The following RHOJ variants were observed in gnomAD, a reference collection of about 807,000 sequenced individuals.
The protein encoded by RHOJ is ras homolog family member J.
RHOJ carries 11 observed loss-of-function variants against 23.4 expected under a neutral mutation model. The ratio of observed to expected loss-of-function variants is 0.47; its 90% CI spans 0.30 to 0.78. The LOEUF (loss-of-function observed/expected upper bound fraction) is 0.78. RHOJ is among the 30% of genes least tolerant of loss of function. RHOJ has a pLI of 0.08. For synonymous variants in RHOJ, 102 were observed against 102.7 expected (o/e 0.99, Z 0.04); for missense variants, 254 against 273.4 (o/e 0.93, Z 0.50).
intron 2 of RHOJ, among the ~76,000 whole-genome samples, chr14:63,279,368 G>A (rs1881827324): frequency 6.6e-6 from 1 of 152,162 alleles, no homozygotes; most frequent in African/African-American, 2.4e-5. Context: ...ATGGACACAT[G>A]TCATGTTGCG....
At chr14:63,223,550 G>A (rs1287465200) in intron 1 of RHOJ, among the ~76,000 whole-genome samples, 2 of 152,110 alleles carry the variant, frequency 1.3e-5, no homozygotes, top group Admixed American at 6.5e-5. Context: ...ATTCATAGAG[G>A]CTAACTTTCA....
At chr14:63,251,570 T>C (rs1895072285) in intron 1 of RHOJ, among the ~76,000 whole-genome samples, 1 of 152,154 alleles carries the variant, frequency 6.6e-6, no homozygotes. Flanking sequence ...GAGCAATGCA[T>C]ACCCAGTTAC....
intron 1 of RHOJ, among the ~76,000 whole-genome samples, chr14:63,232,915 C>T (rs1894723138): frequency 6.6e-6 from 1 of 151,966 alleles, no homozygotes; most frequent in Non-Finnish European, 1.5e-5. Flanking sequence ...AGGCTGGTAT[C>T]AAACTCCTGG....
chr14:63,278,280 G>A (rs933205055), intron 2 of RHOJ, among the ~76,000 whole-genome samples: 29 of 152,086 alleles, frequency 1.9e-4, no homozygotes, highest in African/African-American at 6.3e-4. Flanking sequence ...ACTGAGTCCC[G>A]TGTTCTGCAT....
intron 1 of RHOJ, among the ~76,000 whole-genome samples, chr14:63,225,359 C>A (rs900667840): frequency 2.0e-5 from 3 of 152,050 alleles, no homozygotes; most frequent in Admixed American, 1.3e-4. Flanking sequence ...GTTATATTTG[C>A]TATTGAAGAA....
chr14:63,290,745 A>G, intron 4 of RHOJ, 133 bp from the exon 5 acceptor site: 1 of 713,354 alleles, frequency 1.4e-6, no homozygotes, highest in Non-Finnish European at 2.1e-6. Flanking sequence ...AAAAAAGACA[A>G]ACATAATCCA....
chr14:63,256,880 T>C (rs1895175688), intron 1 of RHOJ, among the ~76,000 whole-genome samples: 1 of 151,962 alleles, frequency 6.6e-6, no homozygotes, highest in African/African-American at 2.4e-5. Flanking sequence ...GAGGCCAGCC[T>C]GACGAACATG....
intron 2 of RHOJ, among the ~76,000 whole-genome samples, chr14:63,275,053 T>A (rs768374476): frequency 1.3e-5 from 2 of 152,186 alleles, no homozygotes; most frequent in Non-Finnish European, 2.9e-5. Context: ...TAGCATCACC[T>A]GGACATTTGC....
At chr14:63,206,007 G>A (rs1490417446) in intron 1 of RHOJ, among the ~76,000 whole-genome samples, 2 of 152,112 alleles carry the variant, frequency 1.3e-5, no homozygotes, top group Admixed American at 6.5e-5. Flanking sequence ...CTTGTGAATG[G>A]AAAATTTCTC....
intron 3 of RHOJ, among the ~76,000 whole-genome samples, 155 bp downstream of exon 3, chr14:63,281,290 T>G (rs1450903307): frequency 6.6e-6 from 1 of 152,164 alleles, no homozygotes; most frequent in Non-Finnish European, 1.5e-5. Flanking sequence ...GCGTGATGAT[T>G]TAGCCCATAG....
chr14:63,208,863 T>A (rs1894170994), intron 1 of RHOJ, among the ~76,000 whole-genome samples: 1 of 152,160 alleles, frequency 6.6e-6, no homozygotes, highest in Non-Finnish European at 1.5e-5. Context: ...TATTTGAATA[T>A]CTAATAGGCA....
chr14:63,222,534 G>A (rs981200611), intron 1 of RHOJ, among the ~76,000 whole-genome samples: 18 of 152,120 alleles, frequency 1.2e-4, no homozygotes, highest in Non-Finnish European at 1.0e-4. Flanking sequence ...GTGTGAGATG[G>A]TATCTCATTG....
intron 1 of RHOJ, among the ~76,000 whole-genome samples, chr14:63,251,598 A>G (rs554411532): frequency 4.6e-4 from 70 of 152,328 alleles, no homozygotes; most frequent in African/African-American, 1.6e-3. Flanking sequence ...AGATTTACCA[A>G]TCAGATGATT....
intron 2 of RHOJ, among the ~76,000 whole-genome samples, chr14:63,269,827 T>C (rs1048474639): frequency 6.6e-6 from 1 of 152,202 alleles, no homozygotes; most frequent in South Asian, 2.1e-4. Context: ...CCCTCAACAA[T>C]TAATCAGCTG....
At chr14:63,268,858 C>G (rs1895414181) in intron 1 of RHOJ, among the ~76,000 whole-genome samples, 1 of 152,204 alleles carries the variant, frequency 6.6e-6, no homozygotes, top group African/African-American at 2.4e-5. Context: ...CACAGAGTGT[C>G]CTGGTGGCAC....
intron 2 of RHOJ, among the ~76,000 whole-genome samples, chr14:63,271,824 C>T (rs1895476387): frequency 6.6e-6 from 1 of 152,144 alleles, no homozygotes; most frequent in African/African-American, 2.4e-5. Context: ...TCTCAAACTC[C>T]CAACCTCAGG....
rs2273181 is a variant in RHOJ at position 63,283,106 on chromosome 14, G to A, written c.403-15G>A. The A allele has an allele frequency of 0.02, 31,404 of 1,598,586 alleles. 683 individuals carry two copies. Among genetic ancestry groups the A allele is most frequent in the East Asian group, 0.09 (4,054 of 44,796 alleles). ...TGAGAAAACAAATAAGTTTTCACGT[G>A]TGTTTTCTTGCCAGATTGATCTCCG... On this transcript the variant is annotated splice_polypyrimidine_tract_variant and intron_variant, in intron 3 of 4. Coordinates refer to ENST00000316754, the MANE Select transcript of RHOJ (RefSeq NM_020663.5).
chr14:63,257,538 G>A (rs776650923), intron 1 of RHOJ, among the ~76,000 whole-genome samples: 36 of 150,156 alleles, frequency 2.4e-4, no homozygotes, highest in Non-Finnish European at 3.4e-4. Context: ...AGCCAGGCCC[G>A]AACAGCCTAG....
intron 2 of RHOJ, among the ~76,000 whole-genome samples, chr14:63,272,940 T>TGGTG: frequency 6.6e-6 from 1 of 152,316 alleles, no homozygotes; most frequent in Non-Finnish European, 1.5e-5. Flanking sequence ...GGAGAATCCC[T>TGGTG]TGAACCTGGG....
Sources: allele counts gnomAD v4.1 joint callset (sites outside exome capture counted in the v4.1 genomes callset), GRCh38; gene constraint gnomAD v4.1.1; transcripts MANE v1.5; gene names NCBI Gene and HGNC (gene_info 2026-07-23, HGNC 2026-07-21).